The following ZNF431 variants were observed in gnomAD, a reference collection of about 807,000 sequenced individuals.
The protein encoded by ZNF431 is zinc finger protein 431.
ZNF431 carries 34 observed loss-of-function variants against 57.0 expected under a neutral mutation model. That is an observed-to-expected ratio of 0.60 (90% CI 0.45 to 0.79). The LOEUF is 0.79. Among genes scored for constraint, ZNF431 ranks in the 30% least tolerant of loss-of-function variants. ZNF431 has a pLI of 0.00. For synonymous variants in ZNF431, 207 were observed against 220.3 expected (o/e 0.94, Z 0.54); for missense variants, 607 against 667.1 (o/e 0.91, Z 0.99).
chr19:21,152,267 G>A (rs747915665), intron 2 of ZNF431, among the ~76,000 whole-genome samples: 3 of 152,168 alleles, frequency 2.0e-5, no homozygotes, highest in Non-Finnish European at 2.9e-5. Flanking sequence ...ATTGTCTGTG[G>A]CAGGGTAGGA....
chr19:21,176,717 A>G (rs1971061764), intron 4 of ZNF431, among the ~76,000 whole-genome samples: 1 of 151,782 alleles, frequency 6.6e-6, no homozygotes, highest in Admixed American at 6.6e-5. Context: ...ATTTTTTTTC[A>G]GACAGAGTCC....
Position 21,183,893 on chromosome 19 carries a change from T to C in ZNF431, c.1590T>C (p.His530=). 1.2e-6 allele frequency: 2 copies of C among 1,613,834 alleles called. No individual in the cohort carries two copies. The highest frequency in any genetic ancestry group is 4.5e-5 in the East Asian group (2 of 44,860). ...AFNQSSTLTK[H]RKIHTRQKPY... Reference sequence around the variant, plus strand: ...ACCAATCCTCAACTCTTACTAAACATAGGAAAATTCATACTAGACAGAAAC... The same window carrying C: ...ACCAATCCTCAACTCTTACTAAACACAGGAAAATTCATACTAGACAGAAAC... The change falls in exon 5 of 5, where the codon CAT becomes CAC. Residue 530 remains histidine, a synonymous_variant. Transcript: ENST00000311048.
In ZNF431 at chr19:21,183,887, T is replaced by C. The variant is rs199903261; in HGVS notation, c.1584T>C (p.Thr528=). ...CCTTTAACCAATCCTCAACTCTTAC[T>C]AAACATAGGAAAATTCATACTAGAC... The part of the protein sequence containing the change: ...GKAFNQSSTL[T]KHRKIHTRQK... The change falls in exon 5 of 5, where the codon ACT becomes ACC. Residue 528 remains threonine (T), a synonymous_variant. Coordinates refer to ENST00000311048, the MANE Select transcript of ZNF431 (RefSeq NM_133473.4). 4.4e-5 allele frequency: 71 copies of C among 1,613,940 alleles called. No homozygotes were observed. The East Asian group carries it at 1.4e-3, about 32-fold the overall frequency.
rs764531391 is a variant in ZNF431, at chr19:21,188,835, T to G, written c.*4801T>G. 1 of 152,174 alleles carries G rather than the reference T, an allele frequency of 6.6e-6. No individual in the cohort carries two copies. The highest frequency in any genetic ancestry group is 1.9e-4 in the East Asian group (1 of 5,198). The allele number at this position is 152,174 out of a possible 1,614,324, so 9.4% of individuals were successfully genotyped here. On this transcript the variant is annotated 3_prime_UTR_variant, in exon 5 of 5. Coordinates refer to ENST00000311048, the MANE Select transcript of ZNF431 (RefSeq NM_133473.4). ...ATAAGCAACACCTGCTCTTTGAGTG[T>G]CTTTCATACCGTTACCATCAGCACC...
At chr19:21,171,195 T>C (rs1332142978) in intron 4 of ZNF431, among the ~76,000 whole-genome samples, 1 of 152,240 alleles carries the variant, frequency 6.6e-6, no homozygotes, top group African/African-American at 2.4e-5. Flanking sequence ...ATTCTAATTA[T>C]ACTGCATATT....
chr19:21,162,144 T>TTGTGTGTGTG (rs749424799), intron 2 of ZNF431, among the ~76,000 whole-genome samples: 24 of 66,174 alleles, frequency 3.6e-4, no homozygotes, highest in African/African-American at 8.7e-4. Flanking sequence ...ATCCAGCTAA[T>TTGTGTGTGTG]TGTGTGTGTG....
chr19:21,181,898 T>A (rs1037032531), intron 4 of ZNF431, among the ~76,000 whole-genome samples: 1 of 152,218 alleles, frequency 6.6e-6, no homozygotes, highest in Non-Finnish European at 1.5e-5. Flanking sequence ...TAGCTACCTG[T>A]CACATTGTTT....
chr19:21,167,037 T>G (rs1599600068), intron 3 of ZNF431, among the ~76,000 whole-genome samples: 1 of 152,194 alleles, frequency 6.6e-6, no homozygotes, highest in East Asian at 1.9e-4. Flanking sequence ...ATTTTTGTAT[T>G]AGTAGATACA....
At position 21,182,476 on chromosome 19, in the gene ZNF431, G is replaced by C. The variant is rs573219542; in HGVS notation, c.320-147G>C. ...TATTTTGGTCAGTATATTTTTATTA[G>C]ATTTATATGTCTATGAAGGATTTAG... On this transcript the variant is annotated intron_variant, in intron 4 of 4. Transcript: ENST00000311048. 5 of 925,472 alleles carry C rather than the reference G, an allele frequency of 5.4e-6. No homozygotes were observed. The East Asian group carries it at 1.4e-4, about 26-fold the overall frequency. 57.3% of individuals were successfully genotyped at this position (925,472 alleles called of 1,614,324 possible).
chr19:21,169,675 G>A, intron 4 of ZNF431: 1 of 396,574 alleles, frequency 2.5e-6, no homozygotes, highest in Non-Finnish European at 4.4e-6. Flanking sequence ...TGATCTGTAG[G>A]GCAGATACCA....
At chr19:21,173,049 A>G (rs1000584996) in intron 4 of ZNF431, among the ~76,000 whole-genome samples, 3 of 152,234 alleles carry the variant, frequency 2.0e-5, no homozygotes, top group African/African-American at 4.8e-5. Flanking sequence ...TTCAAGTGAC[A>G]TAATATTTTC....
At chr19:21,170,422 G>A (rs1206803801) in intron 4 of ZNF431, among the ~76,000 whole-genome samples, 1 of 151,066 alleles carries the variant, frequency 6.6e-6, no homozygotes, top group Non-Finnish European at 1.5e-5. Flanking sequence ...TTTTACTTTC[G>A]ATTTTCCATT....
chr19:21,177,624 T>TA (rs1971096513), intron 4 of ZNF431, among the ~76,000 whole-genome samples: 1 of 152,082 alleles, frequency 6.6e-6, no homozygotes, highest in South Asian at 2.1e-4. Flanking sequence ...CTGTCTCTAC[T>TA]AAAAATACAA....
Position 21,185,878 on chromosome 19 carries a change from A to G in ZNF431, c.*1844A>G, listed in dbSNP as rs974116657. ...AACAATCCAATTCTACACTTTAAAA[A>G]AAAATTTTTAAATGTACAATTAAAT... On this transcript the variant is annotated 3_prime_UTR_variant, in exon 5 of 5. Transcript: ENST00000311048. 3 of 152,240 alleles carry G rather than the reference A, an allele frequency of 2.0e-5. No individual in the cohort carries two copies. Among genetic ancestry groups the G allele is most frequent in the African/African-American group, 7.2e-5 (3 of 41,470 alleles). The allele number at this position is 152,240 out of a possible 1,614,324, so 9.4% of individuals were successfully genotyped here.
rs1454404207 is a variant in ZNF431 at position 21,193,748 on chromosome 19, CAAT to C, written c.*9717_*9719del. ...CAAGGATGTTTCATCATATACAAGT[CAAT>C]AAGTGTGTTTCACCATACAATTAAA... On this transcript the variant is annotated 3_prime_UTR_variant, in exon 5 of 5. Transcript: ENST00000311048. The C allele has an allele frequency of 6.6e-6, 1 of 152,086 alleles. No individual in the cohort carries two copies. The highest frequency in any genetic ancestry group is 2.4e-5 in the African/African-American group (1 of 41,410). 9.4% of individuals were successfully genotyped at this position (152,086 alleles called of 1,614,324 possible).
chr19:21,142,443 C>T (rs760395238), intron 1 of ZNF431, among the ~76,000 whole-genome samples: 13 of 152,216 alleles, frequency 8.5e-5, no homozygotes, highest in African/African-American at 1.9e-4. Flanking sequence ...CAGCTCTGCA[C>T]CCGCAGCACC....
chr19:21,164,789 T>C (rs940851339), intron 2 of ZNF431, among the ~76,000 whole-genome samples: 8 of 151,912 alleles, frequency 5.3e-5, no homozygotes, highest in African/African-American at 1.9e-4. Flanking sequence ...TTTAAAAAAT[T>C]CTTGTAATAG....
At chr19:21,170,515 A>G (rs1970853936) in intron 4 of ZNF431, among the ~76,000 whole-genome samples, 1 of 152,168 alleles carries the variant, frequency 6.6e-6, no homozygotes, top group South Asian at 2.1e-4. Flanking sequence ...AAATTAGATA[A>G]TTGGTAGGCA....
chr19:21,181,686 T>C (rs1418835518), intron 4 of ZNF431, among the ~76,000 whole-genome samples: 1 of 152,074 alleles, frequency 6.6e-6, no homozygotes, highest in African/African-American at 2.4e-5. Context: ...TAAATATTTT[T>C]GTTATTCTCA....
Sources: gnomAD v4.1 joint callset for allele counts (sites outside exome capture counted in the v4.1 genomes callset) on GRCh38, gnomAD v4.1.1 for gene constraint, MANE v1.5 for transcripts, NCBI Gene and HGNC (gene_info 2026-07-23, HGNC 2026-07-21) for gene names.